Variants in RPAP2 observed in about 807,000 individuals in gnomAD.
The protein encoded by RPAP2 is putative RNA polymerase II subunit B1 CTD phosphatase RPAP2.
Under a neutral mutation model 73.1 loss-of-function variants are expected in RPAP2, and 52 were observed. The ratio of observed to expected loss-of-function variants is 0.71; its 90% CI spans 0.57 to 0.90. The LOEUF is 0.90. RPAP2 is among the 40% of genes least tolerant of loss of function. The probability of loss-of-function intolerance (pLI) is 0.00; values close to 1 mark genes in which losing one functional copy is unlikely to be tolerated. For synonymous variants in RPAP2, 225 were observed against 242.1 expected (o/e 0.93, Z 0.65); for missense variants, 598 against 701.8 (o/e 0.85, Z 1.67).
At chr1:92,336,492 C>T in intron 10 of RPAP2, 65 bp downstream of exon 10, 1 of 1,087,174 alleles carries the variant, frequency 9.2e-7, no homozygotes, top group Non-Finnish European at 1.4e-6. Context: ...CTTGCAGAAT[C>T]CAAAGGCACA....
rs1219317680 is a variant in RPAP2, at chr1:92,395,925, A to T, written c.*8914A>T. 6.6e-6 allele frequency: 1 copy of T among 152,226 alleles called. No individual in the cohort carries two copies. The highest frequency in any genetic ancestry group is 1.5e-5 in the Non-Finnish European group (1 of 68,048). 9.4% of individuals were successfully genotyped at this position (152,226 alleles called of 1,614,324 possible). A position where few individuals can be genotyped will look rare whatever the true frequency, so the allele number is the denominator to read the frequency against. On this transcript the variant is annotated 3_prime_UTR_variant, in exon 13 of 13. Coordinates refer to ENST00000610020, the MANE Select transcript of RPAP2 (RefSeq NM_024813.3). ...CCATTTTGGACCCACTAAAATGACT[A>T]TAATAAAAAAGACAGACAAAGATAT... is the stretch of plus-strand genomic sequence containing the variant.
chr1:92,326,048 C>T (rs779986848), intron 8 of RPAP2, among the ~76,000 whole-genome samples: 6 of 151,672 alleles, frequency 4.0e-5, no homozygotes, highest in Non-Finnish European at 8.8e-5. Flanking sequence ...GTATCTAGGA[C>T]TGGGAATGGT....
intron 8 of RPAP2, 28 bp from the exon 9 acceptor site, chr1:92,333,362 GT>G (rs1653086358): frequency 6.5e-7 from 1 of 1,535,938 alleles, no homozygotes; most frequent in African/African-American, 1.4e-5. Context: ...TTATGATTCT[GT>G]TTTGCTTTGT....
chr1:92,341,390 T>C lies in RPAP2; in HGVS notation c.1620-4456T>C, dbSNP rs115350308. ...TGTCACTCAAACAATAGTAAATACA[T>C]TCATTTAGCATCTGTGCTGGAAATT... On this transcript the variant is annotated intron_variant, in intron 10 of 12. Transcript: ENST00000610020. Among the ~76,000 whole-genome samples the C allele has an allele frequency of 6.6e-3, 1,011 of 152,288 alleles. 9 individuals are homozygous for C. The highest frequency in any genetic ancestry group is 0.019 in the African/African-American group (796 of 41,552).
intron 6 of RPAP2, among the ~76,000 whole-genome samples, chr1:92,311,785 A>C (rs1651608118): frequency 6.6e-6 from 1 of 152,258 alleles, no homozygotes; most frequent in Admixed American, 6.5e-5. Flanking sequence ...TGTTTCCACT[A>C]TACTGTAGTC....
intron 10 of RPAP2, among the ~76,000 whole-genome samples, chr1:92,340,007 T>C (rs1653512931): frequency 1.3e-5 from 2 of 152,202 alleles, no homozygotes; most frequent in African/African-American, 2.4e-5. Context: ...GTCAAAGTTG[T>C]GATGTGTATA....
At chr1:92,366,226 C>T (rs1350007353) in intron 11 of RPAP2, among the ~76,000 whole-genome samples, 1 of 152,096 alleles carries the variant, frequency 6.6e-6, no homozygotes, top group Non-Finnish European at 1.5e-5. Context: ...TTGCTTGAGC[C>T]CAGGAGTTTG....
At chr1:92,320,857 G>A (rs901939836) in intron 7 of RPAP2, among the ~76,000 whole-genome samples, 3 of 152,046 alleles carry the variant, frequency 2.0e-5, no homozygotes, top group Non-Finnish European at 4.4e-5. Flanking sequence ...TGTTCCTCCC[G>A]AGGAAATCTA....
chr1:92,336,638 T>C (rs1228119211), intron 10 of RPAP2, among the ~76,000 whole-genome samples: 2 of 152,166 alleles, frequency 1.3e-5, no homozygotes, highest in East Asian at 3.8e-4. Flanking sequence ...TATTTCACTT[T>C]GGATAGTTTA....
chr1:92,368,606 G>A (rs1261585111), intron 11 of RPAP2, among the ~76,000 whole-genome samples: 1 of 152,120 alleles, frequency 6.6e-6, no homozygotes, highest in Admixed American at 6.6e-5. Flanking sequence ...TTGGATAGAA[G>A]GTTTTAATAA....
chr1:92,306,914 A>G (rs6702267), intron 5 of RPAP2, among the ~76,000 whole-genome samples: 72,461 of 152,044 alleles, frequency 0.48, 18,271 homozygotes, highest in East Asian at 0.96. Context: ...TAATAGGGAT[A>G]TGTACACAGG....
rs1352826443 is a variant in RPAP2 at position 92,391,955 on chromosome 1, C to T, written c.*4944C>T. The T allele has an allele frequency of 6.6e-6, 1 of 152,148 alleles. No homozygotes were observed. Among genetic ancestry groups the T allele is most frequent in the Non-Finnish European group, 1.5e-5 (1 of 68,022 alleles). The allele number at this position is 152,148 out of a possible 1,614,324, so 9.4% of individuals were successfully genotyped here. A position where few individuals can be genotyped will look rare whatever the true frequency, so the allele number is the denominator to read the frequency against. ...TCACAGCCAAATTCTACGAAAGGTACAAAGAGGTGCTGGTACCATTCCTTC... is the reference window on the plus strand; with the variant it reads ...TCACAGCCAAATTCTACGAAAGGTATAAAGAGGTGCTGGTACCATTCCTTC... On this transcript the variant is annotated 3_prime_UTR_variant, in exon 13 of 13. Transcript: ENST00000610020.
chr1:92,347,071 G>C (rs1410337707), intron 11 of RPAP2, among the ~76,000 whole-genome samples: 1 of 152,144 alleles, frequency 6.6e-6, no homozygotes, highest in Non-Finnish European at 1.5e-5. Context: ...AAGCATTAGA[G>C]TAGGCTTCAG....
rs1230453655 is a variant in RPAP2, at chr1:92,301,479, A to G, written c.123A>G (p.Lys41=). The G allele has an allele frequency of 1.3e-6, 2 of 1,556,926 alleles. No individual in the cohort carries two copies. The highest frequency in any genetic ancestry group is 1.7e-6 in the Non-Finnish European group (2 of 1,146,278). ...TLKQEDASKR[K]AELEAAVRKK... ...AAGTTTCTCTTTCAAATTTTAGGAA[A>G]GCTGAACTAGAAGCAGCTGTGAGAA... is the stretch of plus-strand genomic sequence containing the variant. Residue 41 remains lysine (K), a synonymous_variant, in exon 3 of 13, where the codon AAA becomes AAG. Coordinates refer to ENST00000610020, the MANE Select transcript of RPAP2 (RefSeq NM_024813.3).
At position 92,299,106 on chromosome 1, in the gene RPAP2, C is replaced by T. The variant is rs1333291821; in HGVS notation, c.33C>T (p.Gly11=). Residue 11 remains glycine (G), a synonymous_variant, in exon 1 of 13, where the codon GGC becomes GGT. Transcript: ENST00000610020. Reference sequence around the variant, plus strand: ...ACTTCGCTGGGCCGTCTTCTGCCGGCCGCAAGGCCGGGGCTCCCCGCTGCT... The same window carrying T: ...ACTTCGCTGGGCCGTCTTCTGCCGGTCGCAAGGCCGGGGCTCCCCGCTGCT... MADFAGPSSA[G]RKAGAPRCSR... is the part of the protein sequence containing the mutation. The T allele has an allele frequency of 1.3e-6, 2 of 1,522,960 alleles. No individual in the cohort carries two copies. The highest frequency in any genetic ancestry group is 5.1e-5 in the East Asian group (2 of 39,236). 94.3% of individuals were successfully genotyped at this position (1,522,960 alleles called of 1,614,324 possible). A position where few individuals can be genotyped will look rare whatever the true frequency, so the allele number is the denominator to read the frequency against.
At chr1:92,372,750 T>A (rs1015591053) in intron 11 of RPAP2, among the ~76,000 whole-genome samples, 5 of 151,940 alleles carry the variant, frequency 3.3e-5, no homozygotes, top group African/African-American at 7.3e-5. Context: ...ACTAAAAAAA[T>A]TTTTTTAAAG....
At chr1:92,374,751 G>T (rs1486596804) in intron 11 of RPAP2, among the ~76,000 whole-genome samples, 1 of 152,202 alleles carries the variant, frequency 6.6e-6, no homozygotes, top group Admixed American at 6.5e-5. Flanking sequence ...AAAATGCCCA[G>T]TAAGCAGCCA....
Position 92,344,561 on chromosome 1 carries a change from AT to A in RPAP2, c.1620-1278del, listed in dbSNP as rs547556895. ...TACAAGCAAAGTTGCATTAAAACCCATTTTTTTAACACACATTTTTTTTATG... is the reference window on the plus strand; with the variant it reads ...TACAAGCAAAGTTGCATTAAAACCCATTTTTTAACACACATTTTTTTTATG... On this transcript the variant is annotated intron_variant, in intron 10 of 12. Coordinates refer to ENST00000610020, the MANE Select transcript of RPAP2 (RefSeq NM_024813.3). Among the ~76,000 whole-genome samples, 14 of 152,208 alleles carry A rather than the reference AT, an allele frequency of 9.2e-5. No homozygotes were observed. In the East Asian group the frequency reaches 2.5e-3, roughly 27 times the overall value.
chr1:92,356,591 T>G (rs1273891782), intron 11 of RPAP2, among the ~76,000 whole-genome samples: 5 of 150,212 alleles, frequency 3.3e-5, no homozygotes, highest in Middle Eastern at 3.4e-3. Flanking sequence ...GCTAATTTTT[T>G]TTTTTTTTTT....
Sources: allele counts gnomAD v4.1 joint callset (sites outside exome capture counted in the v4.1 genomes callset), GRCh38; gene constraint gnomAD v4.1.1; transcripts MANE v1.5; gene names NCBI Gene and HGNC (gene_info 2026-07-23, HGNC 2026-07-21).